The following FAM161B variants were observed in gnomAD, a reference collection of about 807,000 sequenced individuals.
FAM161B encodes the protein protein FAM161B.
In FAM161B, 46 loss-of-function variants were observed where a neutral mutation model predicts 61.5. The observed-to-expected ratio is 0.75, with a 90% CI of 0.59 to 0.96. FAM161B has a LOEUF of 0.96. Among genes scored for constraint, FAM161B ranks in the 40% least tolerant of loss-of-function variants. The pLI, the probability that FAM161B is intolerant of heterozygous loss-of-function variation, is 0.00. For missense variants in FAM161B, 774 were observed against 800.7 expected (o/e 0.97, Z 0.40); for synonymous variants, 284 against 302.7 (o/e 0.94, Z 0.64).
downstream of FAM161B, among the ~76,000 whole-genome samples, chr14:73,929,809 T>C (rs112562736): frequency 9.1e-3 from 1,365 of 149,544 alleles, 12 homozygotes; most frequent in African/African-American, 0.033. Context: ...AGAGCCAAAC[T>C]CTTTAAAAAA....
In FAM161B at chr14:73,934,208, A is replaced by T. The variant is rs750375686; in HGVS notation, c.*48T>A. 1 of 1,592,770 alleles carries T rather than the reference A, an allele frequency of 6.3e-7. No individual in the cohort carries two copies. Among genetic ancestry groups the T allele is most frequent in the African/African-American group, 1.4e-5 (1 of 73,794 alleles). On this transcript the variant is annotated 3_prime_UTR_variant, in exon 9 of 9. Transcript: ENST00000286544. The stretch of plus-strand genomic sequence containing the variant: ...TTTTCCCTGCCTTGACTCAAACCCA[A>T]GTTAGCTGCTTAATATTTTTCAAAA...
At chr14:73,938,261 C>T (rs1326906778) in intron 5 of FAM161B, 149 bp from the exon 6 acceptor site, 3 of 772,878 alleles carry the variant, frequency 3.9e-6, no homozygotes, top group Non-Finnish European at 6.2e-6. Flanking sequence ...GAGTCCAAGA[C>T]CAGCCTGGCC....
At chr14:73,947,981 G>A (rs1180684495) in intron 1 of FAM161B, among the ~76,000 whole-genome samples, 1 of 152,026 alleles carries the variant, frequency 6.6e-6, no homozygotes. Context: ...GAGTGCAGTG[G>A]TGCAATCATG....
At chr14:73,938,421 T>G (rs2055989097) in intron 5 of FAM161B, among the ~76,000 whole-genome samples, 1 of 151,964 alleles carries the variant, frequency 6.6e-6, no homozygotes, top group Non-Finnish European at 1.5e-5. Flanking sequence ...ATCGCACTGC[T>G]GCACTCCAGC....
In FAM161B at chr14:73,948,661, TAC is replaced by T. The variant is rs2056090531; in HGVS notation, c.54+1310_54+1311del. Among the ~76,000 whole-genome samples the T allele has an allele frequency of 2.0e-5, 3 of 152,224 alleles. No individual in the cohort carries two copies. In the South Asian group the frequency reaches 6.2e-4, roughly 31 times the overall value. ...TGTACAATTCAGTGGTTTTAGTATA[TAC>T]ACAGAGTTGTGCAACTACCATCACA... On this transcript the variant is annotated intron_variant, in intron 1 of 8. Transcript: ENST00000286544.
downstream of FAM161B, among the ~76,000 whole-genome samples, chr14:73,929,066 T>C (rs1417751700): frequency 6.6e-6 from 1 of 152,238 alleles, no homozygotes; most frequent in Non-Finnish European, 1.5e-5. Flanking sequence ...CTGTCCTGGA[T>C]GTAGCTCAAA....
At chr14:73,931,839 T>C, downstream of FAM161B, 1 of 443,806 alleles carries the variant, frequency 2.3e-6, no homozygotes, top group Non-Finnish European at 4.3e-6. Context: ...ATGTGTTGGC[T>C]GAAGTTCTTC....
At chr14:73,938,969 A>G (rs1254995994) in intron 5 of FAM161B, among the ~76,000 whole-genome samples, 2 of 152,082 alleles carry the variant, frequency 1.3e-5, no homozygotes, top group Non-Finnish European at 2.9e-5. Context: ...CTACCCTAGA[A>G]GTGCATTTAC....
At chr14:73,931,633 A>C, downstream of FAM161B, 1 of 1,221,306 alleles carries the variant, frequency 8.2e-7, no homozygotes, top group Non-Finnish European at 1.2e-6. Context: ...CAGAACCAGA[A>C]TGAATCTTTG....
At chr14:73,923,710 G>C in the FAM161B span, among the ~76,000 whole-genome samples, 1 of 152,142 alleles carries the variant, frequency 6.6e-6, no homozygotes, top group African/African-American at 2.4e-5. Flanking sequence ...ATTGGAGATT[G>C]GTCTGTCACA....
intron 5 of FAM161B, among the ~76,000 whole-genome samples, chr14:73,938,759 G>GCA: frequency 6.6e-6 from 1 of 152,040 alleles, no homozygotes; most frequent in Non-Finnish European, 1.5e-5. Flanking sequence ...GCGACAGTGA[G>GCA]AGACTCCGTC....
chr14:73,932,278 AG>A lies in FAM161B; in HGVS notation c.*1977del, dbSNP rs536012299. The A allele has an allele frequency of 3.0e-6, 1 of 333,014 alleles. No individual in the cohort carries two copies. Among genetic ancestry groups the A allele is most frequent in the Non-Finnish European group, 5.8e-6 (1 of 170,944 alleles). 20.6% of individuals were successfully genotyped at this position (333,014 alleles called of 1,614,324 possible). ...TTTAAATAAACAAAACAGCCCAGTC[AG>A]TTCTTTGGCTCTTGTTTTATACAAA... is the stretch of plus-strand genomic sequence containing the variant. On this transcript the variant is annotated 3_prime_UTR_variant, in exon 9 of 9. Transcript: ENST00000286544.
At chr14:73,935,821 A>C in intron 8 of FAM161B, 128 bp downstream of exon 8, 1 of 1,044,452 alleles carries the variant, frequency 9.6e-7, no homozygotes, top group Non-Finnish European at 1.3e-6. Context: ...TGGATTACTT[A>C]TTAATGTTAC....
At chr14:73,947,149 G>A (rs146641492) in intron 1 of FAM161B, among the ~76,000 whole-genome samples, 18 of 152,242 alleles carry the variant, frequency 1.2e-4, no homozygotes, top group East Asian at 3.9e-4. Context: ...ATTTTGGGAG[G>A]CCGAGGGAGG....
chr14:73,930,589 AT>A (rs1476554668), downstream of FAM161B, among the ~76,000 whole-genome samples: 6 of 152,256 alleles, frequency 3.9e-5, no homozygotes, highest in East Asian at 1.2e-3. Flanking sequence ...ATTTTACTGA[AT>A]TGTTCCCATC....
At chr14:73,945,560 C>A (rs2056059225) in intron 2 of FAM161B, among the ~76,000 whole-genome samples, 1 of 151,944 alleles carries the variant, frequency 6.6e-6, no homozygotes, top group African/African-American at 2.4e-5. Context: ...TTCCGAGTAG[C>A]TGGGATTACA....
At chr14:73,939,975 T>G (rs1342140881) in intron 5 of FAM161B, among the ~76,000 whole-genome samples, 1 of 152,214 alleles carries the variant, frequency 6.6e-6, no homozygotes, top group African/African-American at 2.4e-5. Flanking sequence ...AGCAATTAAT[T>G]AGCCCTGATT....
chr14:73,931,267 C>G (rs1159032727), downstream of FAM161B, among the ~76,000 whole-genome samples: 2 of 152,134 alleles, frequency 1.3e-5, no homozygotes, highest in Non-Finnish European at 2.9e-5. Flanking sequence ...GGCTTATAGA[C>G]TCAGAATATT....
At chr14:73,925,703 C>T in the FAM161B span, among the ~76,000 whole-genome samples, 1 of 152,128 alleles carries the variant, frequency 6.6e-6, no homozygotes, top group Non-Finnish European at 1.5e-5. Context: ...GCTGGGATTA[C>T]AGGTGTGAGC....
Sources: gnomAD v4.1 joint callset for allele counts (sites outside exome capture counted in the v4.1 genomes callset) on GRCh38, gnomAD v4.1.1 for gene constraint, MANE v1.5 for transcripts, NCBI Gene and HGNC (gene_info 2026-07-23, HGNC 2026-07-21) for gene names.